CCDC181: variants seen among roughly 807,000 people sequenced by gnomAD.
CCDC181 encodes coiled-coil domain-containing protein 181.
Under a neutral mutation model 58.7 loss-of-function variants are expected in CCDC181, and 35 were observed. That is an observed-to-expected ratio of 0.60 (90% CI 0.46 to 0.79). The LOEUF (loss-of-function observed/expected upper bound fraction) is 0.79, where lower values mean the gene tolerates loss of function less well. Ranked by LOEUF, CCDC181 falls within the 30% of genes least tolerant of loss-of-function variation. The probability of loss-of-function intolerance (pLI) is 0.00; values close to 1 mark genes in which losing one functional copy is unlikely to be tolerated. For missense variants in CCDC181, 517 were observed against 583.9 expected, an observed-to-expected ratio of 0.89 and a Z score of 1.18; for synonymous variants, 183 against 197.5, an observed-to-expected ratio of 0.93 and a Z score of 0.62.
chr1:169,445,531 T>G (rs1455389601), intron 2 of CCDC181, among the ~76,000 whole-genome samples: 1 of 152,224 alleles, frequency 6.6e-6, no homozygotes, highest in East Asian at 1.9e-4. Flanking sequence ...CATTGGTGGA[T>G]TTGATTCACT....
chr1:169,400,743 G>A (rs1041796459), intron 4 of CCDC181, among the ~76,000 whole-genome samples: 12 of 152,302 alleles, frequency 7.9e-5, no homozygotes, highest in Middle Eastern at 3.4e-3. Context: ...AGCTCCCAGC[G>A]TGAGTGATGC....
At chr1:169,422,336 T>G in intron 2 of CCDC181, 23 bp from the exon 3 acceptor site, 12 of 1,479,976 alleles carry the variant, frequency 8.1e-6, no homozygotes, top group Non-Finnish European at 1.1e-5. Context: ...TATTTTTCAG[T>G]CAAAATTGAG....
At chr1:169,447,330 C>T (rs1027437462) in intron 2 of CCDC181, among the ~76,000 whole-genome samples, 1 of 152,158 alleles carries the variant, frequency 6.6e-6, no homozygotes. Flanking sequence ...CCAGATTGGT[C>T]TCGAACTCCT....
In CCDC181 at chr1:169,394,962, GAATACAACCAAA is replaced by G; in HGVS notation, c.*73_*84del. 8.4e-7 allele frequency: 1 copy of G among 1,191,848 alleles called. No individual in the cohort carries two copies. The highest frequency in any genetic ancestry group is 1.6e-5 in the African/African-American group (1 of 64,126). The allele number at this position is 1,191,848 out of a possible 1,614,324, so 73.8% of individuals were successfully genotyped here. On this transcript the variant is annotated 3_prime_UTR_variant, in exon 6 of 6. Coordinates refer to ENST00000367806, the MANE Select transcript of CCDC181 (RefSeq NM_001300969.2). Reference sequence around the variant, plus strand: ...AGATAAATACCATTTCCATAATTTAGAATACAACCAAAGTACACAGACCCTAAGAAATCATAT... The same window carrying G: ...AGATAAATACCATTTCCATAATTTAGGTACACAGACCCTAAGAAATCATAT...
intron 4 of CCDC181, among the ~76,000 whole-genome samples, chr1:169,418,217 T>C (rs1463329955): frequency 6.6e-6 from 1 of 152,218 alleles, no homozygotes; most frequent in Non-Finnish European, 1.5e-5. Flanking sequence ...ACTACAGCAC[T>C]GTTAACTAAC....
intron 2 of CCDC181, among the ~76,000 whole-genome samples, chr1:169,437,288 A>G (rs1456846275): frequency 6.6e-6 from 1 of 152,226 alleles, no homozygotes; most frequent in Non-Finnish European, 1.5e-5. Flanking sequence ...TCTTAAGGGC[A>G]GTGTATCCTT....
chr1:169,398,801 T>C (rs1407211871), intron 4 of CCDC181, among the ~76,000 whole-genome samples: 36 of 152,108 alleles, frequency 2.4e-4, no homozygotes, highest in Admixed American at 2.4e-3. Flanking sequence ...TAAAAATAAG[T>C]GACTGACTGA....
At chr1:169,419,682 CATT>C (rs1443651246) in intron 3 of CCDC181, among the ~76,000 whole-genome samples, 1 of 152,110 alleles carries the variant, frequency 6.6e-6, no homozygotes, top group East Asian at 1.9e-4. Context: ...TTAAATTTTA[CATT>C]ATTTATACAT....
chr1:169,397,111 T>G (rs1342838140), intron 5 of CCDC181, 126 bp downstream of exon 5: 19 of 620,824 alleles, frequency 3.1e-5, no homozygotes, highest in Non-Finnish European at 4.4e-5. Context: ...AATTTAAAAT[T>G]GAATAGGTAC....
intron 4 of CCDC181, among the ~76,000 whole-genome samples, chr1:169,406,203 T>C (rs1247249393): frequency 1.3e-5 from 2 of 152,020 alleles, no homozygotes; most frequent in Non-Finnish European, 2.9e-5. Flanking sequence ...TTGGTGGGAG[T>C]GTAAAGTAGT....
intron 4 of CCDC181, among the ~76,000 whole-genome samples, chr1:169,398,864 AAC>A (rs1655194152): frequency 6.6e-6 from 1 of 152,230 alleles, no homozygotes; most frequent in Admixed American, 6.5e-5. Context: ...GAGGGTAATA[AAC>A]ACAGCAGTGA....
chr1:169,432,829 A>G (rs1656956043), intron 2 of CCDC181, among the ~76,000 whole-genome samples: 1 of 152,130 alleles, frequency 6.6e-6, no homozygotes, highest in South Asian at 2.1e-4. Flanking sequence ...CTAGGAATAG[A>G]AGGATACTGC....
chr1:169,439,719 T>C (rs1478222160), intron 2 of CCDC181, among the ~76,000 whole-genome samples: 1 of 152,092 alleles, frequency 6.6e-6, no homozygotes, highest in African/African-American at 2.4e-5. Flanking sequence ...TTGTCCCATA[T>C]CCAGGAAGAA....
At chr1:169,450,770 G>T in intron 2 of CCDC181, among the ~76,000 whole-genome samples, 1 of 152,154 alleles carries the variant, frequency 6.6e-6, no homozygotes, top group East Asian at 1.9e-4. Context: ...CAATGTATGA[G>T]AATTCCAGTT....
Position 169,439,588 on chromosome 1 carries a change from G to A in CCDC181, c.-23-14638C>T, listed in dbSNP as rs190163102. On this transcript the variant is annotated intron_variant, in intron 2 of 6. Coordinates refer to the CCDC181 transcript ENST00000545005. The stretch of plus-strand genomic sequence containing the variant: ...GTCTCAGGACTCACAGTAGCATCTC[G>A]GGGTGTGTTACAATTAATGCTCTTT... Among the ~76,000 whole-genome samples the A allele has an allele frequency of 8.2e-4, 125 of 152,216 alleles. No individual in the cohort carries two copies. The Middle Eastern group carries it at 0.017, about 21-fold the overall frequency.
intron 2 of CCDC181, among the ~76,000 whole-genome samples, chr1:169,447,379 C>A (rs1657405871): frequency 6.6e-6 from 1 of 152,164 alleles, no homozygotes; most frequent in African/African-American, 2.4e-5. Flanking sequence ...TCCCAAAATG[C>A]TGGGATTACA....
intron 4 of CCDC181, among the ~76,000 whole-genome samples, chr1:169,406,361 A>G (rs1305191257): frequency 6.6e-6 from 1 of 152,208 alleles, no homozygotes; most frequent in Non-Finnish European, 1.5e-5. Flanking sequence ...TGTTTATTGC[A>G]GCACTATTCA....
At chr1:169,440,016 G>A (rs1657168869) in intron 2 of CCDC181, among the ~76,000 whole-genome samples, 1 of 152,052 alleles carries the variant, frequency 6.6e-6, no homozygotes, top group Admixed American at 6.6e-5. Context: ...ATAGGGGCAT[G>A]GTGAGCAAGA....
chr1:169,423,079 T>A (rs3766099), intron 2 of CCDC181, among the ~76,000 whole-genome samples: 221 of 146,928 alleles, frequency 1.5e-3, no homozygotes, highest in South Asian at 2.9e-3. Flanking sequence ...ATATATATAT[T>A]TTTTCTCTTT....
Sources: gnomAD v4.1 joint callset for allele counts (sites outside exome capture counted in the v4.1 genomes callset) on GRCh38, gnomAD v4.1.1 for gene constraint, MANE v1.5 for transcripts, NCBI Gene and HGNC (gene_info 2026-07-23, HGNC 2026-07-21) for gene names.